The following PDK1 variants were observed in gnomAD, a reference collection of about 807,000 sequenced individuals.
PDK1 encodes the protein pyruvate dehydrogenase kinase 1.
PDK1 carries 39 observed loss-of-function variants against 54.2 expected under a neutral mutation model. The observed-to-expected ratio is 0.72, with a 90% CI of 0.56 to 0.94. The LOEUF (loss-of-function observed/expected upper bound fraction) is 0.94. Ranked by LOEUF, PDK1 falls within the 40% of genes least tolerant of loss-of-function variation. The pLI is 0.00. For missense variants in PDK1, 552 were observed against 566.0 expected, an observed-to-expected ratio of 0.98 and a Z score of 0.25; for synonymous variants, 221 against 207.1, an observed-to-expected ratio of 1.07 and a Z score of -0.58.
At chr2:172,627,068 A>T in the PDK1 span, among the ~76,000 whole-genome samples, 16 of 152,218 alleles carry the variant, frequency 1.1e-4, no homozygotes, top group African/African-American at 3.9e-4. Flanking sequence ...CAACACTGCC[A>T]TAGGAATTTT....
chr2:172,620,623 GACTGGATCATGGGCTGGA>G, the PDK1 span, among the ~76,000 whole-genome samples: 1 of 152,162 alleles, frequency 6.6e-6, no homozygotes, highest in East Asian at 1.9e-4. Context: ...AGTGGGAGGT[GACTGGATCATGGGCTGGA>G]TTTCTTATGA....
downstream of PDK1, among the ~76,000 whole-genome samples, chr2:172,609,101 C>A (rs958510385): frequency 1.3e-5 from 2 of 152,134 alleles, no homozygotes; most frequent in South Asian, 2.1e-4. Context: ...TGAAATAGCA[C>A]CCTAAATGCA....
At chr2:172,564,454 A>G (rs781277613) in intron 3 of PDK1, 49 bp from the exon 4 acceptor site, 4 of 1,465,546 alleles carry the variant, frequency 2.7e-6, no homozygotes, top group Non-Finnish European at 3.8e-6. Flanking sequence ...TTTTGTATTA[A>G]GTTTACTTGT....
chr2:172,644,643 G>T, the PDK1 span, among the ~76,000 whole-genome samples: 2 of 152,200 alleles, frequency 1.3e-5, no homozygotes, highest in African/African-American at 4.8e-5. Flanking sequence ...CAATGAATGG[G>T]TTAGCTCTGA....
the PDK1 span, among the ~76,000 whole-genome samples, chr2:172,615,848 G>A: frequency 0.31 from 47,675 of 152,022 alleles, 8,519 homozygotes; most frequent in African/African-American, 0.5. Context: ...AAAAAAGAAC[G>A]TCTTTCTTAA....
At chr2:172,585,821 C>T (rs1471598039) in intron 8 of PDK1, among the ~76,000 whole-genome samples, 2 of 152,066 alleles carry the variant, frequency 1.3e-5, no homozygotes, top group East Asian at 1.9e-4. Context: ...GGTTCAACAG[C>T]GAGGGAAATG....
intron 3 of PDK1, chr2:172,562,887 T>C: frequency 8.2e-7 from 1 of 1,215,428 alleles, no homozygotes; most frequent in South Asian, 1.3e-5. Context: ...CTTATTGCAG[T>C]GAAGGGTACT....
At chr2:172,558,500 A>T (rs1688475322) in intron 1 of PDK1, among the ~76,000 whole-genome samples, 2 of 152,222 alleles carry the variant, frequency 1.3e-5, no homozygotes, top group Non-Finnish European at 2.9e-5. Flanking sequence ...AATGTCAGTA[A>T]TTGGAAGGTC....
chr2:172,685,251 G>C, the PDK1 span, among the ~76,000 whole-genome samples: 1 of 152,188 alleles, frequency 6.6e-6, no homozygotes, highest in Non-Finnish European at 1.5e-5. Flanking sequence ...ATAGGTTCCT[G>C]ACTGGCCTCT....
At chr2:172,612,697 A>G (rs1691501019), downstream of PDK1, among the ~76,000 whole-genome samples, 1 of 151,754 alleles carries the variant, frequency 6.6e-6, no homozygotes, top group Non-Finnish European at 1.5e-5. Flanking sequence ...ACGGAGTTTC[A>G]CTGTTAATTG....
intron 8 of PDK1, among the ~76,000 whole-genome samples, chr2:172,582,997 C>T (rs1689995219): frequency 1.3e-5 from 2 of 152,162 alleles, no homozygotes; most frequent in Non-Finnish European, 2.9e-5. Context: ...GTCTCCGTGG[C>T]CAAAAGGTTA....
At chr2:172,669,214 T>C in the PDK1 span, among the ~76,000 whole-genome samples, 49 of 151,388 alleles carry the variant, frequency 3.2e-4, no homozygotes, top group African/African-American at 1.1e-3. Flanking sequence ...CGTCTGCCAC[T>C]ACGCCCGGCT....
chr2:172,555,967 G>A (rs1688289019), upstream of PDK1: 4 of 416,626 alleles, frequency 9.6e-6, no homozygotes, highest in South Asian at 2.3e-4. Context: ...TTCTCTCCCC[G>A]CCTCCTTCCC....
chr2:172,621,694 T>C, the PDK1 span, among the ~76,000 whole-genome samples: 1 of 147,308 alleles, frequency 6.8e-6, no homozygotes, highest in Non-Finnish European at 1.5e-5. Context: ...ATATATCATA[T>C]ATATGTTTAT....
At chr2:172,579,827 T>G (rs1172524765) in intron 8 of PDK1, among the ~76,000 whole-genome samples, 1 of 152,040 alleles carries the variant, frequency 6.6e-6, no homozygotes, top group African/African-American at 2.4e-5. Flanking sequence ...GATATTTTCC[T>G]TTTCACTGTG....
the PDK1 span, among the ~76,000 whole-genome samples, chr2:172,673,368 T>G: frequency 6.6e-6 from 1 of 152,162 alleles, no homozygotes; most frequent in Non-Finnish European, 1.5e-5. Flanking sequence ...ATTCCACCAT[T>G]TTGTCCCTTA....
chr2:172,572,993 A>C (rs373656818), intron 8 of PDK1, among the ~76,000 whole-genome samples: 4 of 152,318 alleles, frequency 2.6e-5, no homozygotes, highest in African/African-American at 9.6e-5. Flanking sequence ...TTATCCATTC[A>C]TCAGTTGATA....
the PDK1 span, among the ~76,000 whole-genome samples, chr2:172,699,936 C>G: frequency 6.6e-6 from 1 of 152,046 alleles, no homozygotes; most frequent in Non-Finnish European, 1.5e-5. Flanking sequence ...CTGGGTACCT[C>G]AGATTAGAGA....
chr2:172,580,660 C>T (rs1478898772), intron 8 of PDK1, among the ~76,000 whole-genome samples: 1 of 152,178 alleles, frequency 6.6e-6, no homozygotes, highest in East Asian at 1.9e-4. Context: ...CACAAATACT[C>T]ATAGTGGCAC....
Sources: gnomAD v4.1 joint callset for allele counts (sites outside exome capture counted in the v4.1 genomes callset) on GRCh38, gnomAD v4.1.1 for gene constraint, MANE v1.5 for transcripts, NCBI Gene and HGNC (gene_info 2026-07-23, HGNC 2026-07-21) for gene names.